Variants in TSPAN9 observed in about 807,000 individuals in gnomAD.
The protein encoded by TSPAN9 is tetraspanin-9.
In TSPAN9, 16 loss-of-function variants were observed where a neutral mutation model predicts 31.0. That is an observed-to-expected ratio of 0.52 (90% CI 0.35 to 0.78). The LOEUF is 0.78. Ranked by LOEUF, TSPAN9 falls within the 30% of genes least tolerant of loss-of-function variation. The pLI is 0.01. For synonymous variants in TSPAN9, 145 were observed against 121.6 expected, an observed-to-expected ratio of 1.19 and a Z score of -1.27; for missense variants, 272 against 312.5, an observed-to-expected ratio of 0.87 and a Z score of 0.98.
intron 3 of TSPAN9, among the ~76,000 whole-genome samples, chr12:3,225,231 G>T (rs1315642385): frequency 6.6e-6 from 1 of 152,092 alleles, no homozygotes; most frequent in African/African-American, 2.4e-5. Context: ...GACCCACAGC[G>T]CACAGAGGTG....
chr12:3,093,056 G>A (rs975810971), intron 2 of TSPAN9, among the ~76,000 whole-genome samples: 2 of 152,196 alleles, frequency 1.3e-5, no homozygotes, highest in African/African-American at 4.8e-5. Context: ...AGCATTCAGA[G>A]TCCTGGCGTT....
intron 2 of TSPAN9, among the ~76,000 whole-genome samples, chr12:3,158,626 G>A (rs571320910): frequency 2.9e-4 from 44 of 149,546 alleles, no homozygotes; most frequent in South Asian, 1.3e-3. Flanking sequence ...GGAGGCTGAA[G>A]CAGGAGAATT....
intron 3 of TSPAN9, among the ~76,000 whole-genome samples, chr12:3,271,487 A>G (rs1390505685): frequency 1.3e-5 from 2 of 152,020 alleles, no homozygotes; most frequent in Admixed American, 6.6e-5. Flanking sequence ...TGTTAGCCAC[A>G]GGGAAGTAGA....
intron 3 of TSPAN9, among the ~76,000 whole-genome samples, chr12:3,261,399 A>G (rs1001001860): frequency 3.9e-5 from 6 of 152,138 alleles, no homozygotes; most frequent in Admixed American, 2.6e-4. Flanking sequence ...AGGTCAGCTC[A>G]CCCAGAGTTA....
chr12:3,096,129 G>C (rs901550523), intron 2 of TSPAN9, among the ~76,000 whole-genome samples: 2 of 152,210 alleles, frequency 1.3e-5, no homozygotes, highest in Non-Finnish European at 2.9e-5. Flanking sequence ...GGCGGCGGCG[G>C]CTGCCGCTTG....
intron 3 of TSPAN9, among the ~76,000 whole-genome samples, chr12:3,271,993 A>C (rs1862686718): frequency 6.6e-6 from 1 of 152,170 alleles, no homozygotes; most frequent in Admixed American, 6.6e-5. Flanking sequence ...TTTTTTAAAA[A>C]TTCTCCACAT....
chr12:3,158,649 G>A (rs2153969240), intron 2 of TSPAN9, among the ~76,000 whole-genome samples: 1 of 148,270 alleles, frequency 6.7e-6, no homozygotes, highest in Admixed American at 6.8e-5. Flanking sequence ...TTGAACCTGG[G>A]AGGCAGAGGT....
At chr12:3,166,497 A>G (rs1420542066) in intron 2 of TSPAN9, among the ~76,000 whole-genome samples, 3 of 152,258 alleles carry the variant, frequency 2.0e-5, no homozygotes, top group African/African-American at 7.2e-5. Flanking sequence ...ATGATCAGTG[A>G]TTTATTTTAC....
intron 3 of TSPAN9, among the ~76,000 whole-genome samples, chr12:3,248,470 GC>G (rs1862181639): frequency 2.6e-5 from 4 of 151,990 alleles, no homozygotes; most frequent in Admixed American, 2.6e-4. Context: ...CTGATCTCCT[GC>G]CCTCTCTTGT....
At chr12:3,264,872 C>T (rs1214696784) in intron 3 of TSPAN9, among the ~76,000 whole-genome samples, 2 of 152,230 alleles carry the variant, frequency 1.3e-5, no homozygotes, top group African/African-American at 4.8e-5. Flanking sequence ...TTTCTGCGGT[C>T]CTGCTGGCTG....
intron 2 of TSPAN9, among the ~76,000 whole-genome samples, chr12:3,118,351 T>A (rs985537548): frequency 7.1e-6 from 1 of 141,498 alleles, no homozygotes; most frequent in African/African-American, 2.6e-5. Context: ...AACCTCTGCC[T>A]CCTGGATTCA....
chr12:3,138,521 T>TG (rs2098333123), intron 2 of TSPAN9, among the ~76,000 whole-genome samples: 1 of 151,778 alleles, frequency 6.6e-6, no homozygotes, highest in South Asian at 2.1e-4. Flanking sequence ...AGGAGTGCAG[T>TG]GGGGTAGTCA....
intron 3 of TSPAN9, among the ~76,000 whole-genome samples, chr12:3,252,333 G>T (rs1366448439): frequency 2.6e-5 from 4 of 152,234 alleles, no homozygotes; most frequent in African/African-American, 9.6e-5. Flanking sequence ...AGAGGGTATG[G>T]TGATGGCAGC....
chr12:3,259,808 G>T lies in TSPAN9; in HGVS notation c.64-18613G>T, dbSNP rs1240412526. ...CCGTGGGAAGGACTCTGTTCCACAT[G>T]TGAGCAAAAACCACTGGAGAAATTT... is the stretch of plus-strand genomic sequence containing the variant. On this transcript the variant is annotated intron_variant, in intron 3 of 8. Coordinates refer to ENST00000011898, the MANE Select transcript of TSPAN9 (RefSeq NM_006675.5). 3.3e-5 allele frequency among the ~76,000 whole-genome samples: 5 copies of T among 152,356 alleles called. No homozygotes were observed. In the East Asian group the frequency reaches 9.6e-4, roughly 29 times the overall value.
intron 3 of TSPAN9, among the ~76,000 whole-genome samples, chr12:3,222,975 G>C (rs183459171): frequency 2.6e-3 from 391 of 152,288 alleles, no homozygotes; most frequent in African/African-American, 8.9e-3. Context: ...AAGGCAGAGG[G>C]GTGGGGTGTG....
intron 2 of TSPAN9, among the ~76,000 whole-genome samples, chr12:3,084,385 T>C (rs1232355829): frequency 6.6e-6 from 1 of 152,178 alleles, no homozygotes; most frequent in Non-Finnish European, 1.5e-5. Flanking sequence ...TGTTTTCTCC[T>C]GCGGCTTCTC....
At chr12:3,179,691 C>G (rs909124099) in intron 2 of TSPAN9, among the ~76,000 whole-genome samples, 5 of 152,136 alleles carry the variant, frequency 3.3e-5, no homozygotes, top group African/African-American at 4.8e-5. Flanking sequence ...TGATTTGTTT[C>G]AGCAATCAAG....
rs1034027981 is a variant in TSPAN9, at chr12:3,192,326, C to T, written c.-17-8851C>T. On this transcript the variant is annotated intron_variant, in intron 2 of 8. Coordinates refer to ENST00000011898, the MANE Select transcript of TSPAN9 (RefSeq NM_006675.5). The surrounding 1 kb of genome is among the most constrained non-coding windows in gnomAD (Gnocchi z 4.6). Reference sequence around the variant, plus strand: ...TGGCTGCTCTTGGTGAATGGGTGGGCGCAGGAGGGAATGGAAGGCTGCAGG... The same window carrying T: ...TGGCTGCTCTTGGTGAATGGGTGGGTGCAGGAGGGAATGGAAGGCTGCAGG... 6.6e-6 allele frequency among the ~76,000 whole-genome samples: 1 copy of T among 151,880 alleles called. No individual in the cohort carries two copies. Among genetic ancestry groups the T allele is most frequent in the South Asian group, 2.1e-4 (1 of 4,800 alleles).
chr12:3,116,264 C>G (rs1219047555), intron 2 of TSPAN9, among the ~76,000 whole-genome samples: 1 of 152,176 alleles, frequency 6.6e-6, no homozygotes, highest in Non-Finnish European at 1.5e-5. Flanking sequence ...GGGCTTCAGA[C>G]TGGGGTTCAC....
Sources: allele counts gnomAD v4.1 joint callset (sites outside exome capture counted in the v4.1 genomes callset), GRCh38; gene constraint gnomAD v4.1.1; non-coding constraint Gnocchi (gnomAD v3.1); transcripts MANE v1.5; gene names NCBI Gene and HGNC (gene_info 2026-07-23, HGNC 2026-07-21).